Variants in NELL2 observed in about 807,000 individuals in gnomAD.
NELL2 encodes the protein protein kinase C-binding protein NELL2.
In NELL2, 41 loss-of-function variants were observed where a neutral mutation model predicts 109.6. That is an observed-to-expected ratio of 0.37 (90% CI 0.29 to 0.49). NELL2 has a LOEUF of 0.49. Among genes scored for constraint, NELL2 ranks in the 20% least tolerant of loss-of-function variants. NELL2 has a pLI of 0.98. For synonymous variants in NELL2, 355 were observed against 344.7 expected (o/e 1.03, Z -0.33); for missense variants, 900 against 1,008.3 (o/e 0.89, Z 1.45).
chr12:44,896,500 C>G (rs999930525), intron 1 of NELL2, among the ~76,000 whole-genome samples: 5 of 152,102 alleles, frequency 3.3e-5, no homozygotes, highest in African/African-American at 1.2e-4. Flanking sequence ...CACAGGAGTA[C>G]TGAAAGCTAA....
chr12:44,849,333 A>C (rs1170996721), intron 2 of NELL2, among the ~76,000 whole-genome samples: 1 of 152,188 alleles, frequency 6.6e-6, no homozygotes, highest in Non-Finnish European at 1.5e-5. Context: ...AAATCCTACA[A>C]ACCAAAAATA....
In NELL2 at chr12:44,621,251, TTTTC is replaced by T. The variant is rs138976450; in HGVS notation, c.1445-10285_1445-10282del. Among the ~76,000 whole-genome samples, 40 of 152,230 alleles carry T rather than the reference TTTTC, an allele frequency of 2.6e-4. 1 individual carries two copies. The East Asian group carries it at 6.4e-3, about 24-fold the overall frequency. The stretch of plus-strand genomic sequence containing the variant: ...GATCACACAAAACTCCTTCAGAAAA[TTTTC>T]TTTGAGACTCTCTCAGTCTCATTTA... On this transcript the variant is annotated intron_variant, in intron 13 of 19. Transcript: ENST00000429094.
intron 9 of NELL2, chr12:44,774,483 A>G (rs1475575136): frequency 2.8e-6 from 1 of 360,810 alleles, no homozygotes; most frequent in Non-Finnish European, 5.1e-6. Flanking sequence ...AATAACTTCC[A>G]GTAAGTTTCT....
In NELL2 at chr12:44,662,040, T is replaced by C. The variant is rs138999953; in HGVS notation, c.1444+3444A>G. ...ATGTAAAGAGAGAAATTATGAAGCATTAATTAGAAAAAATAATAACACCTT... is the reference window on the plus strand; with the variant it reads ...ATGTAAAGAGAGAAATTATGAAGCACTAATTAGAAAAAATAATAACACCTT... On this transcript the variant is annotated intron_variant, in intron 13 of 19. Transcript: ENST00000429094. Among the ~76,000 whole-genome samples, 1,111 of 152,212 alleles carry C rather than the reference T, an allele frequency of 7.3e-3. 8 individuals are homozygous for C. The highest frequency in any genetic ancestry group is 0.021 in the African/African-American group (874 of 41,540).
intron 13 of NELL2, among the ~76,000 whole-genome samples, chr12:44,644,103 A>G (rs1270722940): frequency 6.6e-6 from 1 of 152,166 alleles, no homozygotes; most frequent in Non-Finnish European, 1.5e-5. Context: ...CTATTGATAG[A>G]CTATGAACAC....
At chr12:44,801,827 C>G (rs1324161709) in intron 3 of NELL2, among the ~76,000 whole-genome samples, 2 of 152,062 alleles carry the variant, frequency 1.3e-5, no homozygotes, top group African/African-American at 4.8e-5. Context: ...CTCTGTACTT[C>G]TCATTCAGTC....
At chr12:44,821,833 T>C (rs774604140) in intron 2 of NELL2, among the ~76,000 whole-genome samples, 24 of 152,080 alleles carry the variant, frequency 1.6e-4, no homozygotes, top group Admixed American at 4.6e-4. Flanking sequence ...TTCTCGTGCC[T>C]CAATCTCCCA....
At chr12:44,787,335 G>C (rs1942215743) in intron 3 of NELL2, among the ~76,000 whole-genome samples, 1 of 151,992 alleles carries the variant, frequency 6.6e-6, no homozygotes, top group Non-Finnish European at 1.5e-5. Context: ...CAGTAAAGAA[G>C]TCAATTCTCC....
chr12:44,678,841 G>A (rs1948402131), intron 12 of NELL2, among the ~76,000 whole-genome samples: 1 of 152,084 alleles, frequency 6.6e-6, no homozygotes, highest in Non-Finnish European at 1.5e-5. Flanking sequence ...TGACCTTGGT[G>A]AGAGTAGTAC....
At chr12:44,588,207 A>G (rs10506250) in intron 15 of NELL2, among the ~76,000 whole-genome samples, 35,250 of 151,688 alleles carry the variant, frequency 0.23, 4,230 homozygotes, top group East Asian at 0.29. Flanking sequence ...ATTTTGAATC[A>G]TTGTGCTTGA....
At chr12:44,560,522 C>T (rs951670498) in intron 15 of NELL2, among the ~76,000 whole-genome samples, 3 of 152,030 alleles carry the variant, frequency 2.0e-5, no homozygotes, top group East Asian at 1.9e-4. Context: ...CACAGAAATA[C>T]AAACTACCAT....
chr12:44,879,820 G>T (rs1355443818), upstream of NELL2, among the ~76,000 whole-genome samples: 1 of 151,942 alleles, frequency 6.6e-6, no homozygotes, highest in African/African-American at 2.4e-5. Flanking sequence ...AGCTGCACGT[G>T]CCCTTGTGGA....
chr12:44,629,677 C>T (rs539870455), intron 13 of NELL2, among the ~76,000 whole-genome samples: 1 of 152,260 alleles, frequency 6.6e-6, no homozygotes, highest in African/African-American at 2.4e-5. Context: ...TTCATTTTTA[C>T]AAATATCATG....
In NELL2 at chr12:44,829,343, C is replaced by T. The variant is rs138407392; in HGVS notation, c.185-13207G>A. ...AGCAGTCTCAACAAAATCCTTTTAA[C>T]ACATGTAGCAAATTTAAGAATCAGT... On this transcript the variant is annotated intron_variant, in intron 2 of 19. Transcript: ENST00000429094. Among the ~76,000 whole-genome samples the T allele has an allele frequency of 1.5e-3, 227 of 152,240 alleles. 1 individual carries two copies. The highest frequency in any genetic ancestry group is 5.1e-3 in the African/African-American group (214 of 41,570).
intron 15 of NELL2, among the ~76,000 whole-genome samples, chr12:44,586,932 A>G (rs1249547692): frequency 6.6e-6 from 1 of 152,160 alleles, no homozygotes; most frequent in African/African-American, 2.4e-5. Flanking sequence ...ATACAAATTA[A>G]TATCTCTCAT....
At chr12:44,730,028 A>G (rs532350374) in intron 9 of NELL2, among the ~76,000 whole-genome samples, 6 of 152,250 alleles carry the variant, frequency 3.9e-5, no homozygotes, top group African/African-American at 1.4e-4. Context: ...TAAATTCATA[A>G]CTGTCAAATA....
At chr12:44,543,301 C>A (rs1942657136) in intron 15 of NELL2, among the ~76,000 whole-genome samples, 1 of 152,122 alleles carries the variant, frequency 6.6e-6, no homozygotes, top group African/African-American at 2.4e-5. Flanking sequence ...ATCAGCAAAT[C>A]CTATTAGTAA....
intron 12 of NELL2, among the ~76,000 whole-genome samples, chr12:44,683,914 T>C (rs1409326017): frequency 2.0e-5 from 3 of 152,220 alleles, no homozygotes; most frequent in Non-Finnish European, 4.4e-5. Flanking sequence ...GGCTTTGGTA[T>C]CAGGATGATG....
chr12:44,835,896 C>A (rs1004015129), intron 2 of NELL2, among the ~76,000 whole-genome samples: 21 of 152,274 alleles, frequency 1.4e-4, no homozygotes, highest in African/African-American at 3.4e-4. Flanking sequence ...GAACTCAGAC[C>A]TGCTCAAGCT....
Sources: allele counts gnomAD v4.1 joint callset (sites outside exome capture counted in the v4.1 genomes callset), GRCh38; gene constraint gnomAD v4.1.1; transcripts MANE v1.5; gene names NCBI Gene and HGNC (gene_info 2026-07-23, HGNC 2026-07-21).